PCDHGA4: variants seen among roughly 807,000 people sequenced by gnomAD.
PCDHGA4 encodes protocadherin gamma-A4.
In PCDHGA4, 38 loss-of-function variants were observed where a neutral mutation model predicts 54.6. The observed-to-expected ratio is 0.70, with a 90% CI of 0.54 to 0.91. PCDHGA4 has a LOEUF of 0.91. Ranked by LOEUF, PCDHGA4 falls within the 40% of genes least tolerant of loss-of-function variation. The pLI is 0.00. For missense variants in PCDHGA4, 1,298 were observed against 1,220.9 expected, an observed-to-expected ratio of 1.06 and a Z score of -0.94; for synonymous variants, 511 against 512.9, an observed-to-expected ratio of 1.00 and a Z score of 0.05.
At position 141,355,373 on chromosome 5, in the gene PCDHGA4, A is replaced by C. The variant is rs1279617045; in HGVS notation, c.266A>C (p.Glu89Ala). The C allele has an allele frequency of 6.2e-7, 1 of 1,613,924 alleles. No homozygotes were observed. Among genetic ancestry groups the C allele is most frequent in the African/African-American group, 1.3e-5 (1 of 74,940 alleles). ...IAKDLGLAPR[E>A]LAERGVRIVS... ...AAGGACCTGGGGTTGGCGCCCCGGG[A>C]GCTGGCGGAGCGCGGAGTCCGCATC... The change falls in exon 1 of 4, where the codon GAG (glutamate) becomes GCG (alanine). Residue 89 changes from glutamate (E) to alanine (A), a missense_variant. Coordinates refer to ENST00000571252, the MANE Select transcript of PCDHGA4 (RefSeq NM_018917.4).
chr5:141,471,036 C>A (rs1437409726), intron 1 of PCDHGA4, among the ~76,000 whole-genome samples: 1 of 144,908 alleles, frequency 6.9e-6, no homozygotes, highest in Admixed American at 7.0e-5. Context: ...TATTAACAAG[C>A]CCAAGCCCTC....
chr5:141,425,483 C>A (rs1172308088), intron 1 of PCDHGA4, among the ~76,000 whole-genome samples: 2 of 152,304 alleles, frequency 1.3e-5, no homozygotes, highest in Non-Finnish European at 2.9e-5. Flanking sequence ...CTATGGCAAC[C>A]TACTAGGCTA....
intron 3 of PCDHGA4, among the ~76,000 whole-genome samples, 153 bp from the exon 4 acceptor site, chr5:141,510,790 GAAGA>G (rs982513431): frequency 6.6e-5 from 10 of 152,264 alleles, no homozygotes; most frequent in African/African-American, 2.4e-4. Context: ...CAACTCTTGT[GAAGA>G]GAGACTACCT....
Position 141,356,697 on chromosome 5 carries a change from A to G in PCDHGA4, c.1590A>G (p.Ala530=). Residue 530 remains alanine (A), a synonymous_variant, in exon 1 of 4, where the codon GCA becomes GCG. Transcript: ENST00000571252. ...TGGCCGAAGACACCTTCCAGGGTGC[A>G]CCTCTGTCCTCCTATGTCTCCATCA... The part of the protein sequence containing the change: ...YSLAEDTFQG[A]PLSSYVSINS... 1.9e-6 allele frequency: 3 copies of G among 1,613,888 alleles called. No individual in the cohort carries two copies. The highest frequency in any genetic ancestry group is 2.5e-6 in the Non-Finnish European group (3 of 1,179,854).
chr5:141,403,796 T>C (rs1028690414), intron 1 of PCDHGA4: 3 of 1,613,866 alleles, frequency 1.9e-6, no homozygotes, highest in Non-Finnish European at 1.7e-6. Flanking sequence ...ATACAAATTC[T>C]GGAAAATTAA....
intron 1 of PCDHGA4, chr5:141,415,577 C>G (rs776744277): frequency 2.5e-6 from 4 of 1,613,744 alleles, no homozygotes; most frequent in South Asian, 2.2e-5. Flanking sequence ...TTAGATGATT[C>G]GAAGTTTCCT....
In PCDHGA4 at chr5:141,487,829, C is replaced by T. The variant is rs528435429; in HGVS notation, c.2515-6978C>T. On this transcript the variant is annotated intron_variant, in intron 1 of 3. Transcript: ENST00000571252. The surrounding 1 kb of genome is among the most constrained non-coding windows in gnomAD (Gnocchi z 5.0). ...GTTTAGCATTGGGGGCGGGTCATGC[C>T]TATATCTGAGTAAGAAATGAAAGTA... The T allele has an allele frequency of 1.1e-4, 125 of 1,182,994 alleles. No homozygotes were observed. In the Middle Eastern group the frequency reaches 3.7e-3, roughly 35 times the overall value. 73.3% of individuals were successfully genotyped at this position (1,182,994 alleles called of 1,614,324 possible).
At chr5:141,410,636 T>G (rs1050547360) in intron 1 of PCDHGA4, 1 of 1,599,982 alleles carries the variant, frequency 6.3e-7, no homozygotes, top group Admixed American at 1.7e-5. Context: ...TTTCTCTTTT[T>G]TGTGTGTGAT....
chr5:141,355,623 A>T lies in PCDHGA4; in HGVS notation c.516A>T (p.Lys172Asn). ...PSFGTEQREI[K>N]VAENENPGAR... ...TTGGGACAGAACAGAGGGAAATAAAAGTTGCTGAAAATGAAAATCCTGGGG... is the reference window on the plus strand; with the variant it reads ...TTGGGACAGAACAGAGGGAAATAAATGTTGCTGAAAATGAAAATCCTGGGG... The change falls in exon 1 of 4, where the codon AAA (lysine) becomes AAT (asparagine). Residue 172 changes from lysine to asparagine, a missense_variant. Lys to Asn is a moderately conservative substitution (Grantham distance 94, BLOSUM62 0). Coordinates refer to ENST00000571252, the MANE Select transcript of PCDHGA4 (RefSeq NM_018917.4). 6.2e-7 allele frequency: 1 copy of T among 1,613,994 alleles called. No individual in the cohort carries two copies.
intron 1 of PCDHGA4, chr5:141,378,709 C>T (rs1358072601): frequency 6.6e-6 from 1 of 152,094 alleles, no homozygotes; most frequent in Non-Finnish European, 1.5e-5. Context: ...ATAAGGCTTT[C>T]ATCATATAGG....
intron 1 of PCDHGA4, chr5:141,410,576 C>T (rs533810160): frequency 8.7e-6 from 14 of 1,611,152 alleles, no homozygotes; most frequent in Non-Finnish European, 1.2e-5. Context: ...AATTCCACCT[C>T]ATGGTGGGGA....
At position 141,477,055 on chromosome 5, in the gene PCDHGA4, G is replaced by A. The variant is rs531755338; in HGVS notation, c.2515-17752G>A. Reference sequence around the variant, plus strand: ...CAATCAAGGGTCGGCTGGACTTCGAGGACACCAAACTCCATGAGATTTACA... The same window carrying A: ...CAATCAAGGGTCGGCTGGACTTCGAAGACACCAAACTCCATGAGATTTACA... On this transcript the variant is annotated intron_variant, in intron 1 of 3. Transcript: ENST00000571252. This position sits in a 1 kb window ranked among gnomAD's most constrained non-coding sequence, Gnocchi z 4.9. The A allele has an allele frequency of 4.5e-5, 72 of 1,614,242 alleles. 1 individual carries two copies. In the South Asian group the frequency reaches 7.8e-4, roughly 17 times the overall value.
chr5:141,423,804 T>C (rs571396807), intron 1 of PCDHGA4: 50 of 1,240,508 alleles, frequency 4.0e-5, no homozygotes, highest in African/African-American at 2.7e-4. Flanking sequence ...GAGCAATACA[T>C]GTGAGTTTTA....
At chr5:141,478,570 G>T (rs1255499966) in intron 1 of PCDHGA4, 1 of 1,590,156 alleles carries the variant, frequency 6.3e-7, no homozygotes, top group Admixed American at 1.8e-5. Context: ...AGTCATGCTT[G>T]ACCCTGTTAG....
chr5:141,356,169 T>C lies in PCDHGA4; in HGVS notation c.1062T>C (p.Asp354=), dbSNP rs1760137963. 6.2e-7 allele frequency: 1 copy of C among 1,613,022 alleles called. No homozygotes were observed. The highest frequency in any genetic ancestry group is 8.5e-7 in the Non-Finnish European group (1 of 1,179,426). Residue 354 remains aspartate (D), a synonymous_variant, in exon 1 of 4, where the codon GAT becomes GAC. Coordinates refer to ENST00000571252, the MANE Select transcript of PCDHGA4 (RefSeq NM_018917.4). ...GFYDIDVEAH[D]GPGLRARSKV... ...ATGACATAGATGTAGAAGCCCATGA[T>C]GGGCCTGGTCTCCGAGCTAGAAGCA...
chr5:141,374,301 A>T, intron 1 of PCDHGA4: 1 of 1,613,996 alleles, frequency 6.2e-7, no homozygotes, highest in Non-Finnish European at 8.5e-7. Flanking sequence ...GGTAGGATGC[A>T]GCTTTTCTCT....
At chr5:141,399,732 G>C (rs1270192367) in intron 1 of PCDHGA4, 27 of 1,613,174 alleles carry the variant, frequency 1.7e-5, no homozygotes, top group Non-Finnish European at 2.0e-5. Context: ...ACCAGGGCTC[G>C]CCTGCGCTCA....
At chr5:141,389,754 G>A (rs370987485) in intron 1 of PCDHGA4, 3 of 1,612,772 alleles carry the variant, frequency 1.9e-6, no homozygotes, top group South Asian at 2.2e-5. Context: ...CACGGGCGAA[G>A]TGCGCACAGC....
At chr5:141,368,400 C>T (rs1765636638) in intron 1 of PCDHGA4, among the ~76,000 whole-genome samples, 1 of 152,106 alleles carries the variant, frequency 6.6e-6, no homozygotes, top group Admixed American at 6.6e-5. Flanking sequence ...CACAAACACA[C>T]ATACATACAC....
Sources: allele counts gnomAD v4.1 joint callset (sites outside exome capture counted in the v4.1 genomes callset), GRCh38; gene constraint gnomAD v4.1.1; non-coding constraint Gnocchi (gnomAD v3.1); transcripts MANE v1.5; gene names NCBI Gene and HGNC (gene_info 2026-07-23, HGNC 2026-07-21).